The following RBFOX1 variants were observed in gnomAD, a reference collection of about 807,000 sequenced individuals.
The protein encoded by RBFOX1 is RNA binding protein fox-1 homolog 1.
RBFOX1 carries 8 observed loss-of-function variants against 57.7 expected under a neutral mutation model. The observed-to-expected ratio is 0.14, with a 90% CI of 0.08 to 0.25. The LOEUF is 0.25. Ranked by LOEUF, RBFOX1 falls within the 10% of genes least tolerant of loss-of-function variation. The probability of loss-of-function intolerance (pLI) is 1.00; values close to 1 mark genes in which losing one functional copy is unlikely to be tolerated. For synonymous variants in RBFOX1, 326 were observed against 222.4 expected, an observed-to-expected ratio of 1.47 and a Z score of -4.15; for missense variants, 611 against 548.5, an observed-to-expected ratio of 1.11 and a Z score of -1.14.
intron 10 of RBFOX1, among the ~76,000 whole-genome samples, chr16:7,612,149 G>A (rs942739405): frequency 2.2e-4 from 34 of 151,598 alleles, no homozygotes; most frequent in African/African-American, 7.3e-4. Context: ...ATGAAACCCC[G>A]TCTCTACTAA....
intron 5 of RBFOX1, among the ~76,000 whole-genome samples, chr16:7,542,833 G>C (rs532545654): frequency 1.4e-5 from 2 of 140,022 alleles, no homozygotes; most frequent in East Asian, 2.0e-4. Flanking sequence ...TAGAGGAACA[G>C]AGGGGAGAGA....
intron 5 of RBFOX1, among the ~76,000 whole-genome samples, chr16:7,531,135 A>C (rs7202878): frequency 0.095 from 14,427 of 152,218 alleles, 812 homozygotes; most frequent in East Asian, 0.22. Flanking sequence ...TTTTCTTGTA[A>C]AAATAAAAAA....
chr16:6,050,067 T>C (rs1468428594), intron 1 of RBFOX1, among the ~76,000 whole-genome samples: 2 of 151,676 alleles, frequency 1.3e-5, no homozygotes, highest in African/African-American at 4.8e-5. Context: ...CAAGCAATTC[T>C]CCTCCCTCAG....
At chr16:6,696,372 T>G (rs1473763586) in intron 3 of RBFOX1, among the ~76,000 whole-genome samples, 1 of 152,186 alleles carries the variant, frequency 6.6e-6, no homozygotes, top group Non-Finnish European at 1.5e-5. Context: ...TAATATGCAG[T>G]GAGTCTTGTT....
At chr16:6,842,065 C>T (rs967311940) in intron 3 of RBFOX1, among the ~76,000 whole-genome samples, 1 of 151,726 alleles carries the variant, frequency 6.6e-6, no homozygotes, top group Admixed American at 6.6e-5. Flanking sequence ...ATGGCGTGAA[C>T]CCGGGAGGCG....
chr16:7,079,600 A>G (rs997894363), intron 4 of RBFOX1, among the ~76,000 whole-genome samples: 1 of 152,220 alleles, frequency 6.6e-6, no homozygotes, highest in Non-Finnish European at 1.5e-5. Flanking sequence ...ATAAAATGCC[A>G]TATTGAATAA....
intron 2 of RBFOX1, among the ~76,000 whole-genome samples, chr16:5,592,701 C>A (rs527958021): frequency 1.3e-5 from 2 of 152,182 alleles, no homozygotes; most frequent in African/African-American, 2.4e-5. Flanking sequence ...GATGTTTTGC[C>A]TCCAAGAAGG....
At chr16:6,147,756 T>C (rs747946634) in intron 1 of RBFOX1, among the ~76,000 whole-genome samples, 8 of 152,212 alleles carry the variant, frequency 5.3e-5, no homozygotes, top group Non-Finnish European at 1.2e-4. Context: ...TTCCCAAGTT[T>C]GTAATTGGTG....
chr16:5,846,249 G>C (rs967977472), intron 3 of RBFOX1, among the ~76,000 whole-genome samples: 1 of 151,980 alleles, frequency 6.6e-6, no homozygotes, highest in Non-Finnish European at 1.5e-5. Flanking sequence ...GACTCATGGT[G>C]GAGGCCCAGT....
chr16:7,271,492 T>A (rs549694538), intron 4 of RBFOX1, among the ~76,000 whole-genome samples: 1 of 152,270 alleles, frequency 6.6e-6, no homozygotes, highest in East Asian at 1.9e-4. Flanking sequence ...TATCACTTGG[T>A]TGATCTTGTA....
intron 3 of RBFOX1, among the ~76,000 whole-genome samples, chr16:5,798,957 G>T (rs1170111840): frequency 6.6e-6 from 1 of 152,104 alleles, no homozygotes; most frequent in Non-Finnish European, 1.5e-5. Context: ...GATCTCGGGT[G>T]AGCCACTCTG....
chr16:6,642,504 G>A (rs142198452), intron 2 of RBFOX1, among the ~76,000 whole-genome samples: 1 of 151,758 alleles, frequency 6.6e-6, no homozygotes, highest in African/African-American at 2.4e-5. Context: ...CAACCCTCGA[G>A]TTACCCGGCC....
intron 3 of RBFOX1, among the ~76,000 whole-genome samples, chr16:5,764,427 AC>A (rs2053704656): frequency 6.6e-6 from 1 of 150,944 alleles, no homozygotes; most frequent in Non-Finnish European, 1.5e-5. Flanking sequence ...AGCCAATTAA[AC>A]CCCTTTTCTT....
chr16:7,391,946 G>C (rs2098033974), intron 4 of RBFOX1, among the ~76,000 whole-genome samples: 3 of 152,162 alleles, frequency 2.0e-5, no homozygotes, highest in Non-Finnish European at 4.4e-5. Context: ...CTCCATCGCA[G>C]CCTAAACTGT....
intron 3 of RBFOX1, among the ~76,000 whole-genome samples, chr16:6,969,812 C>G (rs1010750083): frequency 3.9e-5 from 6 of 152,068 alleles, no homozygotes; most frequent in Non-Finnish European, 8.8e-5. Flanking sequence ...GTTGTGTTGC[C>G]TCATCCTCGT....
chr16:6,997,508 G>A (rs1303564882), intron 3 of RBFOX1, among the ~76,000 whole-genome samples: 1 of 152,142 alleles, frequency 6.6e-6, no homozygotes, highest in African/African-American at 2.4e-5. Context: ...TCTTTTAATT[G>A]TTGAAGTCTG....
chr16:7,569,949 T>C (rs923707330), intron 5 of RBFOX1, among the ~76,000 whole-genome samples: 43 of 152,290 alleles, frequency 2.8e-4, no homozygotes, highest in Non-Finnish European at 5.1e-4. Flanking sequence ...GTTATTAGTT[T>C]GTTTGGGGGA....
At chr16:7,366,683 C>T (rs565965208) in intron 4 of RBFOX1, among the ~76,000 whole-genome samples, 8 of 151,756 alleles carry the variant, frequency 5.3e-5, no homozygotes, top group African/African-American at 1.2e-4. Flanking sequence ...ATTTGTCAAG[C>T]CTGCATTGTG....
intron 3 of RBFOX1, among the ~76,000 whole-genome samples, chr16:6,806,290 C>T (rs1270344932): frequency 2.6e-5 from 4 of 152,042 alleles, no homozygotes; most frequent in Admixed American, 6.6e-5. Flanking sequence ...CATTATAAAG[C>T]TTTGTAGTAA....
Sources: allele counts gnomAD v4.1 joint callset (sites outside exome capture counted in the v4.1 genomes callset), GRCh38; gene constraint gnomAD v4.1.1; transcripts MANE v1.5; gene names NCBI Gene and HGNC (gene_info 2026-07-23, HGNC 2026-07-21).